Variants in PDE4B observed in about 807,000 individuals in gnomAD.
PDE4B encodes 3',5'-cyclic-AMP phosphodiesterase 4B.
A neutral mutation model predicts 82.2 loss-of-function variants in PDE4B; 20 were observed. The ratio of observed to expected loss-of-function variants is 0.24; its 90% confidence interval spans 0.17 to 0.35. The LOEUF is 0.35. Ranked by LOEUF, PDE4B falls within the 10% of genes least tolerant of loss-of-function variation. The probability of loss-of-function intolerance (pLI) is 1.00; values close to 1 mark genes in which losing one functional copy is unlikely to be tolerated. For missense variants in PDE4B, 655 were observed against 907.2 expected (o/e 0.72, Z 3.57); for synonymous variants, 320 against 318.9 (o/e 1.00, Z -0.04).
intron 3 of PDE4B, among the ~76,000 whole-genome samples, chr1:66,010,273 A>G (rs1189489349): frequency 6.6e-6 from 1 of 151,908 alleles, no homozygotes; most frequent in Non-Finnish European, 1.5e-5. Context: ...ATTGCCTTTC[A>G]AAGTAATTTT....
chr1:66,122,303 A>G lies in PDE4B; in HGVS notation c.282-125157A>G, dbSNP rs532822270. 5.3e-5 allele frequency among the ~76,000 whole-genome samples: 8 copies of G among 152,296 alleles called. No individual in the cohort carries two copies. The South Asian group carries it at 1.0e-3, about 20-fold the overall frequency. ...GTTAAGTGCTCAGTAAGTGTTGTCT[A>G]TTTTTATTGTTATTATATCTGCTGA... On this transcript the variant is annotated intron_variant, in intron 3 of 16. Transcript: ENST00000341517.
chr1:66,055,845 T>G (rs1655266365), intron 3 of PDE4B, among the ~76,000 whole-genome samples: 1 of 152,184 alleles, frequency 6.6e-6, no homozygotes, highest in Admixed American at 6.5e-5. Flanking sequence ...ATATGTTAGA[T>G]GTTAGATTGA....
chr1:66,000,193 A>G (rs1209594859), intron 3 of PDE4B, among the ~76,000 whole-genome samples: 3 of 152,228 alleles, frequency 2.0e-5, no homozygotes, highest in East Asian at 3.8e-4. Flanking sequence ...TTGGTGCATC[A>G]GCTCAGGAAA....
At chr1:65,802,485 T>G (rs751425956) in intron 1 of PDE4B, among the ~76,000 whole-genome samples, 1 of 152,176 alleles carries the variant, frequency 6.6e-6, no homozygotes, top group Non-Finnish European at 1.5e-5. Context: ...ACCAGAACTA[T>G]GTCAATGGCC....
intron 3 of PDE4B, among the ~76,000 whole-genome samples, chr1:66,031,390 A>G (rs1022636895): frequency 2.0e-5 from 3 of 152,256 alleles, no homozygotes; most frequent in African/African-American, 4.8e-5. Context: ...ATTCTCAATC[A>G]GGAGAAAAGG....
intron 3 of PDE4B, among the ~76,000 whole-genome samples, chr1:66,128,549 C>T (rs1473581140): frequency 6.6e-6 from 1 of 152,148 alleles, no homozygotes; most frequent in African/African-American, 2.4e-5. Context: ...TATTTGTCAC[C>T]TTGAAGGCTT....
chr1:66,225,289 T>C (rs1651357992), intron 3 of PDE4B, among the ~76,000 whole-genome samples: 1 of 152,200 alleles, frequency 6.6e-6, no homozygotes, highest in Non-Finnish European at 1.5e-5. Context: ...CAGCCAGGCT[T>C]GGGTCTGCTA....
intron 8 of PDE4B, among the ~76,000 whole-genome samples, chr1:66,339,783 A>ATT (rs576333962): frequency 4.6e-5 from 7 of 151,110 alleles, no homozygotes; most frequent in African/African-American, 1.7e-4. Context: ...TTTAGTCTCC[A>ATT]TTTTTTTAAT....
At chr1:66,011,954 A>G (rs1652509772) in intron 3 of PDE4B, among the ~76,000 whole-genome samples, 1 of 151,764 alleles carries the variant, frequency 6.6e-6, no homozygotes, top group African/African-American at 2.4e-5. Context: ...CCTAGTTAAA[A>G]CCTCTTCTTT....
At chr1:65,830,864 A>G (rs528372002) in intron 1 of PDE4B, among the ~76,000 whole-genome samples, 1 of 152,252 alleles carries the variant, frequency 6.6e-6, no homozygotes, top group East Asian at 1.9e-4. Context: ...TATTATGTTT[A>G]TAGAATGTGA....
chr1:66,333,344 C>T (rs955935606), intron 8 of PDE4B, among the ~76,000 whole-genome samples: 3 of 152,134 alleles, frequency 2.0e-5, no homozygotes, highest in Non-Finnish European at 1.5e-5. Flanking sequence ...TTAATTAACA[C>T]CTGGACTTAG....
intron 3 of PDE4B, among the ~76,000 whole-genome samples, chr1:66,180,039 T>G (rs1647027120): frequency 6.6e-6 from 1 of 152,198 alleles, no homozygotes; most frequent in South Asian, 2.1e-4. Flanking sequence ...ATGGATTCAT[T>G]TAACATTTTT....
intron 3 of PDE4B, chr1:66,048,690 T>C (rs1297622550): frequency 6.6e-6 from 1 of 151,996 alleles, no homozygotes; most frequent in East Asian, 1.9e-4. Flanking sequence ...GCAGTGGAGA[T>C]GCTGGAATAG....
At chr1:66,358,255 G>A (rs541378412) in intron 9 of PDE4B, among the ~76,000 whole-genome samples, 3 of 152,168 alleles carry the variant, frequency 2.0e-5, no homozygotes, top group Non-Finnish European at 2.9e-5. Flanking sequence ...ATCCTTTAAC[G>A]AGGAAAGAAG....
chr1:66,273,616 G>A (rs1655668334), intron 7 of PDE4B, among the ~76,000 whole-genome samples: 1 of 152,200 alleles, frequency 6.6e-6, no homozygotes, highest in Non-Finnish European at 1.5e-5. Context: ...TTGTCATACT[G>A]TATTGTAATT....
At chr1:66,370,553 C>T (rs375524677) in intron 16 of PDE4B, among the ~76,000 whole-genome samples, 1 of 152,166 alleles carries the variant, frequency 6.6e-6, no homozygotes, top group African/African-American at 2.4e-5. Flanking sequence ...ACATCGTTAT[C>T]CACTCTGGTA....
At chr1:66,110,096 T>C (rs927264228) in intron 3 of PDE4B, among the ~76,000 whole-genome samples, 1 of 152,004 alleles carries the variant, frequency 6.6e-6, no homozygotes, top group Non-Finnish European at 1.5e-5. Flanking sequence ...ATAAACCTGA[T>C]TACTGTGGCA....
At chr1:66,165,629 A>C (rs1387428714) in intron 3 of PDE4B, among the ~76,000 whole-genome samples, 1 of 151,790 alleles carries the variant, frequency 6.6e-6, no homozygotes, top group Non-Finnish European at 1.5e-5. Flanking sequence ...TTAAAAAAAT[A>C]ATTCCCTTTA....
chr1:66,241,268 C>T (rs910165109), intron 3 of PDE4B, among the ~76,000 whole-genome samples: 14 of 152,310 alleles, frequency 9.2e-5, no homozygotes, highest in Admixed American at 9.1e-4. Context: ...CTGTGTTTTT[C>T]ACAGCTTAGT....
Sources: gnomAD v4.1 joint callset for allele counts (sites outside exome capture counted in the v4.1 genomes callset) on GRCh38, gnomAD v4.1.1 for gene constraint, MANE v1.5 for transcripts, NCBI Gene and HGNC (gene_info 2026-07-23, HGNC 2026-07-21) for gene names.